The following CADM1 variants were observed in gnomAD, a reference collection of about 807,000 sequenced individuals.
The protein encoded by CADM1 is TSLC-1.
Under a neutral mutation model 53.1 loss-of-function variants are expected in CADM1, and 15 were observed. That is an observed-to-expected ratio of 0.28 (90% CI 0.19 to 0.44). CADM1 has a LOEUF of 0.44. CADM1 is among the 20% of genes least tolerant of loss of function. The pLI, the probability that CADM1 is intolerant of heterozygous loss-of-function variation, is 1.00. For missense variants in CADM1, 434 were observed against 611.3 expected, an observed-to-expected ratio of 0.71 and a Z score of 3.06; for synonymous variants, 281 against 243.0, an observed-to-expected ratio of 1.16 and a Z score of -1.45.
At chr11:115,407,323 C>T (rs915964483) in intron 1 of CADM1, among the ~76,000 whole-genome samples, 2 of 152,170 alleles carry the variant, frequency 1.3e-5, no homozygotes, top group African/African-American at 4.8e-5. Flanking sequence ...CTATGGTTCC[C>T]TAACCTTGGC....
chr11:115,175,107 C>T lies in CADM1; in HGVS notation c.*1367G>A. 1 of 985,754 alleles carries T rather than the reference C, an allele frequency of 1.0e-6. No individual in the cohort carries two copies. The highest frequency in any genetic ancestry group is 1.2e-6 in the Non-Finnish European group (1 of 829,924). 61.1% of individuals were successfully genotyped at this position (985,754 alleles called of 1,614,324 possible). ...TGTATGAAAGGTAAAAAGATAAAAA[C>T]ACTCACATTTGAGTTTTGATTAAGT... On this transcript the variant is annotated 3_prime_UTR_variant, in exon 12 of 12. Transcript: ENST00000331581.
At chr11:115,310,583 TGAAACCCCGGG>T (rs1262731050) in intron 1 of CADM1, among the ~76,000 whole-genome samples, 1 of 152,176 alleles carries the variant, frequency 6.6e-6, no homozygotes, top group East Asian at 1.9e-4. Flanking sequence ...TTGCTGTCGG[TGAAACCCCGGG>T]GCTTTTCTTT....
intron 1 of CADM1, among the ~76,000 whole-genome samples, chr11:115,305,138 G>A (rs528470639): frequency 0.025 from 3,724 of 151,784 alleles, 140 homozygotes; most frequent in African/African-American, 0.085. Context: ...AGATAACACC[G>A]AAATCCAAAT....
At chr11:115,417,483 C>T (rs1223390988) in intron 1 of CADM1, among the ~76,000 whole-genome samples, 1 of 152,172 alleles carries the variant, frequency 6.6e-6, no homozygotes, top group Non-Finnish European at 1.5e-5. Context: ...TAAAGCTTAA[C>T]TTACAAATGA....
chr11:115,240,213 T>TGATACTTGATAAAG (rs1942176002), intron 2 of CADM1, 61 bp downstream of exon 2: 1 of 1,551,004 alleles, frequency 6.4e-7, no homozygotes, highest in Non-Finnish European at 8.9e-7. Flanking sequence ...AGCAATCTCT[T>TGATACTTGATAAAG]TATCAAGACA....
At chr11:115,422,063 T>A (rs1947771171) in intron 1 of CADM1, among the ~76,000 whole-genome samples, 1 of 152,148 alleles carries the variant, frequency 6.6e-6, no homozygotes, top group African/African-American at 2.4e-5. Context: ...GAAAATAAAT[T>A]AAAGGACATC....
chr11:115,182,286 G>C (rs1046758453), intron 10 of CADM1, among the ~76,000 whole-genome samples: 6 of 152,164 alleles, frequency 3.9e-5, no homozygotes, highest in African/African-American at 1.4e-4. Flanking sequence ...CTGATGCTCA[G>C]GCATATGGAC....
At chr11:115,354,046 T>C (rs897867642) in intron 1 of CADM1, among the ~76,000 whole-genome samples, 2 of 152,112 alleles carry the variant, frequency 1.3e-5, no homozygotes, top group Non-Finnish European at 2.9e-5. Context: ...ACAAAATTAA[T>C]AAACATTTAA....
intron 1 of CADM1, among the ~76,000 whole-genome samples, chr11:115,427,777 G>C (rs547291295): frequency 3.0e-4 from 46 of 152,160 alleles, no homozygotes; most frequent in African/African-American, 1.1e-3. Context: ...GGGAGGCCTA[G>C]GTGGGTGGAT....
At chr11:115,397,874 T>C (rs1267358681) in intron 1 of CADM1, among the ~76,000 whole-genome samples, 1 of 152,154 alleles carries the variant, frequency 6.6e-6, no homozygotes, top group Admixed American at 6.5e-5. Context: ...ACCCAGAGAC[T>C]ACATCCAAAT....
At chr11:115,469,126 A>G (rs1948955668) in intron 1 of CADM1, among the ~76,000 whole-genome samples, 1 of 152,200 alleles carries the variant, frequency 6.6e-6, no homozygotes, top group African/African-American at 2.4e-5. Context: ...AATACCTAAG[A>G]TGCAAAATAT....
chr11:115,205,660 G>A (rs933667567), intron 8 of CADM1, among the ~76,000 whole-genome samples: 1 of 151,908 alleles, frequency 6.6e-6, no homozygotes, highest in African/African-American at 2.4e-5. Flanking sequence ...GAAACCACAC[G>A]GACAATTTGA....
intron 1 of CADM1, among the ~76,000 whole-genome samples, chr11:115,344,312 T>C (rs529437646): frequency 8.5e-5 from 13 of 152,264 alleles, no homozygotes; most frequent in Admixed American, 5.2e-4. Flanking sequence ...CAAACTTCAA[T>C]GTCATATCTT....
intron 1 of CADM1, among the ~76,000 whole-genome samples, chr11:115,302,659 T>C (rs191364919): frequency 1.3e-5 from 2 of 152,262 alleles, no homozygotes; most frequent in Admixed American, 1.3e-4. Flanking sequence ...TCATTATTGA[T>C]ATAGTTTTTG....
chr11:115,383,868 C>T (rs1405816857), intron 1 of CADM1, among the ~76,000 whole-genome samples: 2 of 152,108 alleles, frequency 1.3e-5, no homozygotes, highest in South Asian at 2.1e-4. Flanking sequence ...CCTTAATTAC[C>T]TTTCATAGCA....
chr11:115,187,293 TCACA>T (rs1321240082), intron 10 of CADM1, among the ~76,000 whole-genome samples: 1 of 152,174 alleles, frequency 6.6e-6, no homozygotes, highest in Non-Finnish European at 1.5e-5. Context: ...TGACAGTTTC[TCACA>T]CACATTTCAA....
At chr11:115,263,651 T>C (rs10750071) in intron 1 of CADM1, among the ~76,000 whole-genome samples, 152,159 of 152,322 alleles carry the variant, frequency 1, 75,998 homozygotes, top group Non-Finnish European at 1. Context: ...CCAATACTAT[T>C]ATTACTAATA....
chr11:115,352,537 G>A (rs907814461), intron 1 of CADM1, among the ~76,000 whole-genome samples: 8 of 152,138 alleles, frequency 5.3e-5, no homozygotes, highest in Admixed American at 4.6e-4. Flanking sequence ...AGCCAGCTAA[G>A]AGCTCATCTC....
intron 1 of CADM1, chr11:115,287,301 T>C (rs918554842): frequency 6.6e-6 from 1 of 152,184 alleles, no homozygotes; most frequent in Non-Finnish European, 1.5e-5. Context: ...CATTATTAGT[T>C]GCTGTTATTC....
Sources: allele counts gnomAD v4.1 joint callset (sites outside exome capture counted in the v4.1 genomes callset), GRCh38; gene constraint gnomAD v4.1.1; transcripts MANE v1.5; gene names NCBI Gene and HGNC (gene_info 2026-07-23, HGNC 2026-07-21).